The following ZDHHC14 variants were observed in gnomAD, a reference collection of about 807,000 sequenced individuals.
ZDHHC14 encodes the protein palmitoyltransferase ZDHHC14.
ZDHHC14 carries 16 observed loss-of-function variants against 47.7 expected under a neutral mutation model. The observed-to-expected ratio is 0.34, with a 90% CI of 0.23 to 0.51. The LOEUF is 0.51. ZDHHC14 is among the 20% of genes least tolerant of loss of function. The pLI is 0.97. For synonymous variants in ZDHHC14, 293 were observed against 278.9 expected, an observed-to-expected ratio of 1.05 and a Z score of -0.50; for missense variants, 515 against 662.5, an observed-to-expected ratio of 0.78 and a Z score of 2.44.
At chr6:157,573,935 C>T (rs1783197463) in intron 2 of ZDHHC14, among the ~76,000 whole-genome samples, 3 of 151,600 alleles carry the variant, frequency 2.0e-5, no homozygotes, top group South Asian at 2.1e-4. Flanking sequence ...TGCTGGGGAA[C>T]GCTACTCTGT....
intron 2 of ZDHHC14, among the ~76,000 whole-genome samples, chr6:157,549,454 C>G (rs187251703): frequency 6.6e-6 from 1 of 152,124 alleles, no homozygotes; most frequent in African/African-American, 2.4e-5. Context: ...GTGGGGGAGT[C>G]CCATCGTGCC....
chr6:157,495,586 A>C (rs1426668415), intron 1 of ZDHHC14, among the ~76,000 whole-genome samples: 1 of 151,980 alleles, frequency 6.6e-6, no homozygotes, highest in Non-Finnish European at 1.5e-5. Flanking sequence ...GGGAGGGTAC[A>C]TGACATTTCA....
intron 1 of ZDHHC14, among the ~76,000 whole-genome samples, chr6:157,504,384 G>A (rs1029810163): frequency 7.4e-5 from 11 of 149,156 alleles, no homozygotes; most frequent in Non-Finnish European, 1.6e-4. Context: ...TCCTGACCTC[G>A]TGATCTGCCT....
chr6:157,382,276 G>A lies in ZDHHC14; in HGVS notation c.245+10G>A. ...TCTTCTTCGCCTTCGAGTAAGTGGT[G>A]GCGACCGCTCCCCCGACGCCGCACT... On this transcript the variant is annotated intron_variant, in intron 1 of 8. Coordinates refer to ENST00000359775, the MANE Select transcript of ZDHHC14 (RefSeq NM_024630.3). The A allele has an allele frequency of 6.2e-7, 1 of 1,610,136 alleles. No homozygotes were observed. The highest frequency in any genetic ancestry group is 8.5e-7 in the Non-Finnish European group (1 of 1,178,426).
chr6:157,633,097 G>A lies in ZDHHC14; in HGVS notation c.752+215G>A, dbSNP rs546061265. Reference sequence around the variant, plus strand: ...TTTAAATCGAGGGCTAGGAAGCCAAGTATGAATTCTTATCCACCCCCAGAA... The same window carrying A: ...TTTAAATCGAGGGCTAGGAAGCCAAATATGAATTCTTATCCACCCCCAGAA... On this transcript the variant is annotated intron_variant, in intron 5 of 8. Coordinates refer to ENST00000359775, the MANE Select transcript of ZDHHC14 (RefSeq NM_024630.3). Among the ~76,000 whole-genome samples the A allele has an allele frequency of 8.5e-5, 13 of 152,296 alleles. 1 individual carries two copies. The South Asian group carries it at 2.7e-3, about 32-fold the overall frequency.
chr6:157,624,197 C>A (rs138147259), intron 3 of ZDHHC14, among the ~76,000 whole-genome samples: 1 of 152,340 alleles, frequency 6.6e-6, no homozygotes, highest in African/African-American at 2.4e-5. Flanking sequence ...ATCCTGGACA[C>A]TGAATGACAC....
chr6:157,454,093 TC>T, intron 1 of ZDHHC14, among the ~76,000 whole-genome samples: 1 of 152,312 alleles, frequency 6.6e-6, no homozygotes, highest in Non-Finnish European at 1.5e-5. Flanking sequence ...CCCCACAAAG[TC>T]CTCAAGGCCA....
chr6:157,569,734 C>G (rs2114854728), intron 2 of ZDHHC14, among the ~76,000 whole-genome samples: 1 of 152,124 alleles, frequency 6.6e-6, no homozygotes, highest in East Asian at 1.9e-4. Context: ...TCAAAACCCC[C>G]TTCAAGTCTC....
At chr6:157,415,050 G>T (rs1036134314) in intron 1 of ZDHHC14, among the ~76,000 whole-genome samples, 1 of 152,068 alleles carries the variant, frequency 6.6e-6, no homozygotes, top group South Asian at 2.1e-4. Flanking sequence ...CGAGGACAGT[G>T]GGGGGATGTT....
intron 5 of ZDHHC14, among the ~76,000 whole-genome samples, chr6:157,638,074 G>C (rs894590852): frequency 1.3e-5 from 2 of 152,118 alleles, no homozygotes; most frequent in African/African-American, 4.8e-5. Context: ...GCCAGCCCAG[G>C]GGGAGAGGGA....
At position 157,382,127 on chromosome 6, in the gene ZDHHC14, G is replaced by A. The variant is rs1187330475; in HGVS notation, c.106G>A (p.Ala36Thr). Residue 36 changes from alanine (A) to threonine (T), a missense_variant, in exon 1 of 9, where the codon GCC (alanine) becomes ACC (threonine). Transcript: ENST00000359775. ...GCCCCACAAGAAGAAGAAAATCGCG[G>A]CCCGGAGGAAATGGGAGGTGTTCCC... ...ESPHKKKKIA[A>T]RRKWEVFPGR... 67 of 1,613,468 alleles carry A rather than the reference G, an allele frequency of 4.2e-5. No homozygotes were observed. The highest frequency in any genetic ancestry group is 4.9e-5 in the Non-Finnish European group (58 of 1,179,802).
At chr6:157,482,745 A>ATT (rs201329274) in intron 1 of ZDHHC14, among the ~76,000 whole-genome samples, 9 of 135,626 alleles carry the variant, frequency 6.6e-5, no homozygotes, top group Admixed American at 1.5e-4. Flanking sequence ...TGTCAAAATC[A>ATT]TTTTTTTTTT....
chr6:157,608,977 G>A (rs141837684), intron 3 of ZDHHC14, among the ~76,000 whole-genome samples: 4 of 152,318 alleles, frequency 2.6e-5, no homozygotes, highest in Non-Finnish European at 5.9e-5. Context: ...AATTCCTGGA[G>A]TTGGGGCAAA....
At chr6:157,448,058 A>G (rs936433690) in intron 1 of ZDHHC14, among the ~76,000 whole-genome samples, 1 of 152,028 alleles carries the variant, frequency 6.6e-6, no homozygotes, top group Admixed American at 6.6e-5. Context: ...TTATTTATTT[A>G]TGTAGAGACA....
At chr6:157,546,867 C>T (rs111960569) in intron 2 of ZDHHC14, among the ~76,000 whole-genome samples, 8 of 152,176 alleles carry the variant, frequency 5.3e-5, no homozygotes, top group Non-Finnish European at 8.8e-5. Context: ...CCCGTTCCAC[C>T]GTCCTGACCC....
chr6:157,400,680 C>G (rs749203394), intron 1 of ZDHHC14, among the ~76,000 whole-genome samples: 2 of 152,236 alleles, frequency 1.3e-5, no homozygotes, highest in Non-Finnish European at 2.9e-5. Flanking sequence ...ATGCCTCGTA[C>G]TCTTGTGTTC....
intron 5 of ZDHHC14, among the ~76,000 whole-genome samples, chr6:157,643,675 A>ATG (rs1777373699): frequency 7.7e-6 from 1 of 129,576 alleles, no homozygotes; most frequent in Non-Finnish European, 1.6e-5. Flanking sequence ...ATATATATAT[A>ATG]TGCTGTATTT....
chr6:157,574,046 T>C (rs969017139), intron 2 of ZDHHC14, among the ~76,000 whole-genome samples: 11 of 151,852 alleles, frequency 7.2e-5, no homozygotes, highest in African/African-American at 2.4e-4. Context: ...ACACCAGAAT[T>C]TGGGTTTTCC....
chr6:157,667,733 G>T (rs1340476270), intron 8 of ZDHHC14, among the ~76,000 whole-genome samples: 1 of 152,162 alleles, frequency 6.6e-6, no homozygotes, highest in Non-Finnish European at 1.5e-5. Flanking sequence ...AGCCATGAAG[G>T]TTTATGAACC....
Sources: gnomAD v4.1 joint callset for allele counts (sites outside exome capture counted in the v4.1 genomes callset) on GRCh38, gnomAD v4.1.1 for gene constraint, MANE v1.5 for transcripts, NCBI Gene and HGNC (gene_info 2026-07-23, HGNC 2026-07-21) for gene names.